Variants in TCFL5 observed in about 807,000 individuals in gnomAD.
The protein encoded by TCFL5 is transcription factor-like 5 protein.
Under a neutral mutation model 44.3 loss-of-function variants are expected in TCFL5, and 9 were observed. That is an observed-to-expected ratio of 0.20 (90% CI 0.12 to 0.35). The LOEUF is 0.35. TCFL5 is among the 10% of genes least tolerant of loss of function. TCFL5 has a pLI of 1.00. For synonymous variants in TCFL5, 319 were observed against 271.6 expected, an observed-to-expected ratio of 1.17 and a Z score of -1.72; for missense variants, 603 against 613.4, an observed-to-expected ratio of 0.98 and a Z score of 0.18.
At chr20:62,846,607 AT>A (rs1568777236) in intron 5 of TCFL5, among the ~76,000 whole-genome samples, 6 of 152,172 alleles carry the variant, frequency 3.9e-5, no homozygotes, top group African/African-American at 1.4e-4. Context: ...CATGAGAAGA[AT>A]AACAACAAGA....
intron 5 of TCFL5, among the ~76,000 whole-genome samples, chr20:62,848,112 G>A (rs542601392): frequency 6.6e-6 from 1 of 152,344 alleles, no homozygotes; most frequent in Admixed American, 6.5e-5. Context: ...AGGCCAGTCC[G>A]AGTCTGCAGC....
At chr20:62,847,961 A>C (rs1250123285) in intron 5 of TCFL5, among the ~76,000 whole-genome samples, 2 of 151,734 alleles carry the variant, frequency 1.3e-5, no homozygotes, top group Non-Finnish European at 2.9e-5. Context: ...GGAGGTACAG[A>C]CAAGCGCCGG....
intron 5 of TCFL5, among the ~76,000 whole-genome samples, chr20:62,849,651 C>T (rs2063783900): frequency 6.6e-6 from 1 of 152,100 alleles, no homozygotes; most frequent in East Asian, 1.9e-4. Context: ...ATAGCAAGAC[C>T]CTATTGCTAC....
chr20:62,849,995 T>A lies in TCFL5; in HGVS notation c.1380+4021A>T, dbSNP rs1029008800. 2.0e-5 allele frequency among the ~76,000 whole-genome samples: 3 copies of A among 151,998 alleles called. No individual in the cohort carries two copies. The South Asian group carries it at 6.2e-4, about 32-fold the overall frequency. On this transcript the variant is annotated intron_variant, in intron 5 of 5. Transcript: ENST00000335351. ...CAAAATAAACATTAAAATAAAAAAATTAGGCAGGTATAGTGGCAATAAAAG... is the reference window on the plus strand; with the variant it reads ...CAAAATAAACATTAAAATAAAAAAAATAGGCAGGTATAGTGGCAATAAAAG...
chr20:62,848,786 C>A (rs1284890371), intron 5 of TCFL5, among the ~76,000 whole-genome samples: 1 of 152,054 alleles, frequency 6.6e-6, no homozygotes, highest in African/African-American at 2.4e-5. Flanking sequence ...GCCTGTAATC[C>A]CAGCACTTTG....
In TCFL5 at chr20:62,861,011, G is replaced by A; in HGVS notation, c.647+13C>T. On this transcript the variant is annotated intron_variant, in intron 1 of 5. Coordinates refer to ENST00000335351, the MANE Select transcript of TCFL5 (RefSeq NM_006602.4). The surrounding 1 kb of genome is among the most constrained non-coding windows in gnomAD (Gnocchi z 4.0). Reference sequence around the variant, plus strand: ...ACCCGGGCCCCGCCAGCCCCCGGCCGCCGGGCACGCACTTGTTGAGCGCCC... The same window carrying A: ...ACCCGGGCCCCGCCAGCCCCCGGCCACCGGGCACGCACTTGTTGAGCGCCC... 1 of 993,072 alleles carries A rather than the reference G, an allele frequency of 1.0e-6. No individual in the cohort carries two copies. The highest frequency in any genetic ancestry group is 1.2e-6 in the Non-Finnish European group (1 of 835,982). 61.5% of individuals were successfully genotyped at this position (993,072 alleles called of 1,614,324 possible).
chr20:62,860,616 C>G (rs982278787), intron 1 of TCFL5, among the ~76,000 whole-genome samples: 49 of 152,258 alleles, frequency 3.2e-4, no homozygotes, highest in African/African-American at 1.1e-3. Context: ...GACGCAGCCC[C>G]TTCCACAGCC....
chr20:62,850,350 G>T (rs1001830046), intron 5 of TCFL5, among the ~76,000 whole-genome samples: 7 of 151,660 alleles, frequency 4.6e-5, no homozygotes, highest in African/African-American at 1.7e-4. Flanking sequence ...TCTATCCCCT[G>T]CCTCCCGATG....
chr20:62,850,285 C>T lies in TCFL5; in HGVS notation c.1380+3731G>A, dbSNP rs566038683. 2.6e-5 allele frequency among the ~76,000 whole-genome samples: 4 copies of T among 152,072 alleles called. 1 individual carries two copies. Among genetic ancestry groups the T allele is most frequent in the South Asian group, 4.1e-4 (2 of 4,822 alleles). The stretch of plus-strand genomic sequence containing the variant: ...TGTAATTCCTATGTTCACTAGAAAA[C>T]GAACAGAAGTGAATCACTGATGGCT... On this transcript the variant is annotated intron_variant, in intron 5 of 5. Transcript: ENST00000335351.
At chr20:62,848,959 A>G (rs2063776666) in intron 5 of TCFL5, among the ~76,000 whole-genome samples, 1 of 150,846 alleles carries the variant, frequency 6.6e-6, no homozygotes, top group South Asian at 2.1e-4. Flanking sequence ...CTTGAGGTCA[A>G]GAGTTTGAGA....
Position 62,859,355 on chromosome 20 carries a change from A to G in TCFL5, c.994+9T>C. 1 of 1,600,090 alleles carries G rather than the reference A, an allele frequency of 6.2e-7. No individual in the cohort carries two copies. The highest frequency in any genetic ancestry group is 8.5e-7 in the Non-Finnish European group (1 of 1,170,628). Reference sequence around the variant, plus strand: ...GAAAGCTCCCACTACCTGCTGCTTCATCGCTTACCTCCCACTTTAATCCAA... The same window carrying G: ...GAAAGCTCCCACTACCTGCTGCTTCGTCGCTTACCTCCCACTTTAATCCAA... On this transcript the variant is annotated intron_variant, in intron 3 of 5. Coordinates refer to ENST00000335351, the MANE Select transcript of TCFL5 (RefSeq NM_006602.4).
At chr20:62,853,777 T>G (rs1260251762) in intron 5 of TCFL5, among the ~76,000 whole-genome samples, 1 of 152,238 alleles carries the variant, frequency 6.6e-6, no homozygotes, top group East Asian at 1.9e-4. Context: ...ATTTGCTATC[T>G]GACAATTGCC....
At position 62,861,437 on chromosome 20, in the gene TCFL5, G is replaced by A. The variant is rs1299422820; in HGVS notation, c.234C>T (p.Asn78=). Residue 78 remains asparagine, a synonymous_variant, in exon 1 of 6, where the codon AAC becomes AAT. Transcript: ENST00000335351. This position sits in a 1 kb window ranked among gnomAD's most constrained non-coding sequence, Gnocchi z 4.0. The part of the protein sequence containing the change: ...AADGELETRL[N]SALLAAAGPG... ...GGCCCGCCGCCGCCAGCAGCGCCGA[G>A]TTGAGGCGCGTCTCGAGCTCGCCGT... is the stretch of plus-strand genomic sequence containing the variant. The A allele has an allele frequency of 1.0e-5, 12 of 1,163,762 alleles. No homozygotes were observed. Among genetic ancestry groups the A allele is most frequent in the Non-Finnish European group, 1.3e-5 (12 of 935,906 alleles). The allele number at this position is 1,163,762 out of a possible 1,614,324, so 72.1% of individuals were successfully genotyped here.
chr20:62,854,969 G>A (rs944184757), intron 4 of TCFL5, among the ~76,000 whole-genome samples: 3 of 152,276 alleles, frequency 2.0e-5, no homozygotes, highest in Admixed American at 6.5e-5. Context: ...ACAAGTCTAC[G>A]CAGTAGAGCT....
At position 62,841,077 on chromosome 20, in the gene TCFL5, G is replaced by T. The variant is rs972839355; in HGVS notation, c.*898C>A. Reference sequence around the variant, plus strand: ...GACTATGATCTCATCCCAATAAAATGATATATTAAACCTTCAGATTAATGA... The same window carrying T: ...GACTATGATCTCATCCCAATAAAATTATATATTAAACCTTCAGATTAATGA... On this transcript the variant is annotated 3_prime_UTR_variant, in exon 6 of 6. Coordinates refer to ENST00000335351, the MANE Select transcript of TCFL5 (RefSeq NM_006602.4). 2.7e-5 allele frequency: 7 copies of T among 255,560 alleles called. No individual in the cohort carries two copies. Among genetic ancestry groups the T allele is most frequent in the Admixed American group, 1.0e-4 (2 of 19,966 alleles). 15.8% of individuals were successfully genotyped at this position (255,560 alleles called of 1,614,324 possible).
chr20:62,852,400 G>A (rs1326888571), intron 5 of TCFL5: 1 of 984,540 alleles, frequency 1.0e-6, no homozygotes, highest in Non-Finnish European at 1.2e-6. Context: ...CCTGGAACTG[G>A]GGTCCCCCCA....
intron 5 of TCFL5, among the ~76,000 whole-genome samples, chr20:62,843,383 A>G (rs987341151): frequency 2.0e-5 from 3 of 152,058 alleles, no homozygotes; most frequent in African/African-American, 7.2e-5. Flanking sequence ...TTCGGAAGAT[A>G]TATTTATGAA....
intron 5 of TCFL5, chr20:62,845,852 G>T: frequency 6.3e-7 from 1 of 1,585,650 alleles, no homozygotes; most frequent in Non-Finnish European, 8.6e-7. Flanking sequence ...ACAAAGATCA[G>T]TTTGCGTGTG....
Position 62,854,004 on chromosome 20 carries a change from C to T in TCFL5, c.1380+12G>A, listed in dbSNP as rs1568786766. ...TGTAAAATTCTGAAAATCTACCTGGCCTACCACTAACCTTTTTAAGAGAAT... is the reference window on the plus strand; with the variant it reads ...TGTAAAATTCTGAAAATCTACCTGGTCTACCACTAACCTTTTTAAGAGAAT... On this transcript the variant is annotated intron_variant, in intron 5 of 5. Coordinates refer to ENST00000335351, the MANE Select transcript of TCFL5 (RefSeq NM_006602.4). 2 of 1,612,582 alleles carry T rather than the reference C, an allele frequency of 1.2e-6. No homozygotes were observed.
Sources: allele counts gnomAD v4.1 joint callset (sites outside exome capture counted in the v4.1 genomes callset), GRCh38; gene constraint gnomAD v4.1.1; non-coding constraint Gnocchi (gnomAD v3.1); transcripts MANE v1.5; gene names NCBI Gene and HGNC (gene_info 2026-07-23, HGNC 2026-07-21).